Variants in ST6GALNAC2 observed in about 807,000 individuals in gnomAD.
The protein encoded by ST6GALNAC2 is ST6 N-acetylgalactosaminide alpha-2,6-sialyltransferase 2, also known as alpha-N-acetylgalactosaminide alpha-2,6-sialyltransferase 2.
Under a neutral mutation model 38.7 loss-of-function variants are expected in ST6GALNAC2, and 42 were observed. The observed-to-expected ratio is 1.09, with a 90% confidence interval of 0.85 to 1.40. The LOEUF (loss-of-function observed/expected upper bound fraction) is 1.40. Ranked by LOEUF, ST6GALNAC2 falls within the 40% of genes most tolerant of loss-of-function variation. ST6GALNAC2 has a pLI of 0.00. For synonymous variants in ST6GALNAC2, 233 were observed against 209.0 expected, an observed-to-expected ratio of 1.11 and a Z score of -0.99; for missense variants, 506 against 481.7, an observed-to-expected ratio of 1.05 and a Z score of -0.47.
chr17:76,579,466 T>G (rs1446793707), intron 1 of ST6GALNAC2, among the ~76,000 whole-genome samples: 3 of 152,354 alleles, frequency 2.0e-5, no homozygotes, highest in Admixed American at 2.0e-4. Flanking sequence ...GCATTAGGTC[T>G]GAGATGACTG....
chr17:76,582,664 C>G (rs1057218011), intron 1 of ST6GALNAC2, among the ~76,000 whole-genome samples: 1 of 152,184 alleles, frequency 6.6e-6, no homozygotes, highest in South Asian at 2.1e-4. Context: ...GGGCTCCACT[C>G]TAATCTGCAC....
In ST6GALNAC2 at chr17:76,568,811, A is replaced by G. The variant is rs200842476; in HGVS notation, c.774-15T>C. On this transcript the variant is annotated splice_polypyrimidine_tract_variant and intron_variant, in intron 6 of 8. Coordinates refer to ENST00000225276, the MANE Select transcript of ST6GALNAC2 (RefSeq NM_006456.3). ...AGGCGTGCGGCCTAGGACCCATGAT[A>G]GAAGTGGACAGAGCGCCCAGAGCCG... 24 of 1,612,392 alleles carry G rather than the reference A, an allele frequency of 1.5e-5. No homozygotes were observed. Among genetic ancestry groups the G allele is most frequent in the Non-Finnish European group, 1.9e-5 (22 of 1,179,588 alleles).
At position 76,568,721 on chromosome 17, in the gene ST6GALNAC2, C is replaced by T; in HGVS notation, c.849G>A (p.Leu283=). The change falls in exon 7 of 9, where the codon CTG becomes CTA. Residue 283 remains leucine, a synonymous_variant. Transcript: ENST00000225276. ...GGCACCCCACTCCGTACCTTTCTGT[C>T]AGGTAGCTGATGAAGTCCGGATGTA... ...KLLHPDFISY[L]TERFLKSKLI... is the part of the protein sequence containing the mutation. 1 of 1,613,726 alleles carries T rather than the reference C, an allele frequency of 6.2e-7. No homozygotes were observed. Among genetic ancestry groups the T allele is most frequent in the South Asian group, 1.1e-5 (1 of 91,072 alleles).
intron 6 of ST6GALNAC2, chr17:76,570,364 C>T (rs1360414106): frequency 7.1e-6 from 4 of 562,852 alleles, no homozygotes; most frequent in Non-Finnish European, 1.3e-5. Flanking sequence ...GTCACCTGGG[C>T]TTTCCAGGGG....
chr17:76,570,265 G>T, intron 6 of ST6GALNAC2: 2 of 367,434 alleles, frequency 5.4e-6, no homozygotes, highest in Non-Finnish European at 5.2e-6. Context: ...GCCCAAAGCC[G>T]AGAAGCCAGA....
chr17:76,581,918 T>A (rs997228858), intron 1 of ST6GALNAC2, among the ~76,000 whole-genome samples: 1 of 151,932 alleles, frequency 6.6e-6, no homozygotes, highest in African/African-American at 2.4e-5. Flanking sequence ...CAGGCTGGAG[T>A]AGTACAGTGG....
intron 6 of ST6GALNAC2, 45 bp from the exon 7 acceptor site, chr17:76,568,841 A>T: frequency 1.3e-6 from 2 of 1,596,150 alleles, no homozygotes; most frequent in Non-Finnish European, 8.6e-7. Context: ...GAGCCGTCGT[A>T]TTGCAAGGGG....
intron 8 of ST6GALNAC2, 121 bp downstream of exon 8, chr17:76,567,332 G>T: frequency 1.4e-6 from 1 of 699,442 alleles, no homozygotes; most frequent in Admixed American, 2.4e-5. Context: ...CTTGGAACTG[G>T]GGATTCCACG....
intron 4 of ST6GALNAC2, 143 bp from the exon 5 acceptor site, chr17:76,572,918 C>T: frequency 9.3e-7 from 1 of 1,076,864 alleles, no homozygotes; most frequent in Non-Finnish European, 1.4e-6. Context: ...GCCCAGTTGT[C>T]AACCAGACCC....
chr17:76,576,715 A>G (rs750522683), intron 2 of ST6GALNAC2, among the ~76,000 whole-genome samples: 6 of 152,090 alleles, frequency 3.9e-5, no homozygotes, highest in Non-Finnish European at 7.4e-5. Context: ...TCATGCCTAT[A>G]ATCCCAGCAC....
chr17:76,572,836 A>G (rs1320270031), intron 4 of ST6GALNAC2, 61 bp from the exon 5 acceptor site: 3 of 1,601,874 alleles, frequency 1.9e-6, no homozygotes, highest in South Asian at 1.1e-5. Context: ...TTCTGCTTCC[A>G]TCTCCACGGC....
In ST6GALNAC2 at chr17:76,585,733, G is replaced by A. The variant is rs760972335; in HGVS notation, c.76C>T (p.Leu26=). Residue 26 remains leucine, a synonymous_variant, in exon 1 of 9, where the codon CTG becomes TTG. Transcript: ENST00000225276. ...TACCGCTGCACCGCCGAGAAGTACA[G>A]GGCAAAGAGGAGCCCCGAGCAGGCA... ...TAACSGLLFA[L]YFSAVQRYPG... 7.1e-6 allele frequency: 11 copies of A among 1,544,078 alleles called. No individual in the cohort carries two copies. The East Asian group carries it at 2.5e-4, about 35-fold the overall frequency.
chr17:76,572,169 C>T (rs930704479), intron 5 of ST6GALNAC2, among the ~76,000 whole-genome samples: 2 of 152,020 alleles, frequency 1.3e-5, no homozygotes, highest in Non-Finnish European at 1.5e-5. Context: ...CTGTGGTGAC[C>T]GTGTGTGTGC....
intron 5 of ST6GALNAC2, chr17:76,570,960 A>T (rs4789315): frequency 3.2e-6 from 1 of 312,576 alleles, no homozygotes; most frequent in South Asian, 4.6e-5. Context: ...TGGCTTAGAG[A>T]CTAGGTCATA....
rs370408406 is a variant in ST6GALNAC2, at chr17:76,566,362, C to T, written c.958-91G>A. The T allele has an allele frequency of 2.7e-4, 378 of 1,396,772 alleles. No homozygotes were observed. The African/African-American group carries it at 3.3e-3, about 12-fold the overall frequency. 86.5% of individuals were successfully genotyped at this position (1,396,772 alleles called of 1,614,324 possible). A position where few individuals can be genotyped will look rare whatever the true frequency, so the allele number is the denominator to read the frequency against. ...AGTGACATGAGTTTAGAAAGGTGTC[C>T]GTCTGCTGAGGTGAGGATAATGGTC... On this transcript the variant is annotated intron_variant, in intron 8 of 8. Transcript: ENST00000225276.
chr17:76,573,379 G>T lies in ST6GALNAC2; in HGVS notation c.362-16C>A. The T allele has an allele frequency of 6.6e-7, 1 of 1,514,594 alleles. No homozygotes were observed. The highest frequency in any genetic ancestry group is 8.9e-7 in the Non-Finnish European group (1 of 1,129,160). The allele number at this position is 1,514,594 out of a possible 1,614,324, so 93.8% of individuals were successfully genotyped here. On this transcript the variant is annotated splice_polypyrimidine_tract_variant and intron_variant, in intron 3 of 8. Transcript: ENST00000225276. The surrounding 1 kb of genome is among the most constrained non-coding windows in gnomAD (Gnocchi z 5.1). ...GAGGCGATGACTGTGGGTGCAGATG[G>T]GGAGCAGCCATGAGGAGGGCTGGCA...
intron 6 of ST6GALNAC2, 128 bp from the exon 7 acceptor site, chr17:76,568,924 T>A: frequency 1.2e-6 from 1 of 805,778 alleles, no homozygotes; most frequent in Non-Finnish European, 2.0e-6. Context: ...CTGGGAGTAG[T>A]AGCGGGAGAA....
intron 1 of ST6GALNAC2, chr17:76,581,088 T>C (rs1391634289): frequency 2.6e-5 from 4 of 152,196 alleles, no homozygotes; most frequent in Non-Finnish European, 5.9e-5. Context: ...GTTACCTGCT[T>C]CTAGGTGCTG....
Position 76,565,897 on chromosome 17 carries a change from T to G in ST6GALNAC2, c.*207A>C. The G allele has an allele frequency of 1.9e-6, 1 of 524,720 alleles. No homozygotes were observed. Among genetic ancestry groups the G allele is most frequent in the Non-Finnish European group, 3.3e-6 (1 of 301,852 alleles). 32.5% of individuals were successfully genotyped at this position (524,720 alleles called of 1,614,324 possible). On this transcript the variant is annotated 3_prime_UTR_variant, in exon 9 of 9. Transcript: ENST00000225276. ...TCCCTTGGCCAAGATTGAGATGTAT[T>G]GTTTTAGATACAGAAGAGTTCTTGG...
Sources: gnomAD v4.1 joint callset for allele counts (sites outside exome capture counted in the v4.1 genomes callset) on GRCh38, gnomAD v4.1.1 for gene constraint, Gnocchi (gnomAD v3.1) non-coding constraint, MANE v1.5 for transcripts, NCBI Gene and HGNC (gene_info 2026-07-23, HGNC 2026-07-21) for gene names.